DOCK6: variants seen among roughly 807,000 people sequenced by gnomAD.
DOCK6 encodes dedicator of cytokinesis 6.
Under a neutral mutation model 230.3 loss-of-function variants are expected in DOCK6, and 167 were observed. That is an observed-to-expected ratio of 0.73 (90% CI 0.64 to 0.82). DOCK6 has a LOEUF of 0.82. Among genes scored for constraint, DOCK6 ranks in the 40% least tolerant of loss-of-function variants. The probability of loss-of-function intolerance (pLI) is 0.00; values close to 1 mark genes in which losing one functional copy is unlikely to be tolerated. For missense variants in DOCK6, 2,598 were observed against 2,825.8 expected (o/e 0.92, Z 1.83); for synonymous variants, 1,148 against 1,185.0 (o/e 0.97, Z 0.64).
chr19:11,227,262 G>A, intron 24 of DOCK6, 75 bp downstream of exon 24: 1 of 1,575,062 alleles, frequency 6.3e-7, no homozygotes, highest in South Asian at 1.2e-5. Context: ...CACTGGGCAG[G>A]ATTGGCGCCC....
chr19:11,252,765 G>T lies in DOCK6; in HGVS notation c.308+18C>A. 6.2e-7 allele frequency: 1 copy of T among 1,601,930 alleles called. No individual in the cohort carries two copies. The highest frequency in any genetic ancestry group is 1.1e-5 in the South Asian group (1 of 90,322). ...CAGAGTGGAATCACAGGCAGAGAGG[G>T]CGTGGGGCTGAACCCACTCATCCTT... On this transcript the variant is annotated intron_variant, in intron 3 of 47. Coordinates refer to ENST00000294618, the MANE Select transcript of DOCK6 (RefSeq NM_020812.4).
At chr19:11,249,009 G>A (rs2080077122) in intron 6 of DOCK6, among the ~76,000 whole-genome samples, 1 of 152,084 alleles carries the variant, frequency 6.6e-6, no homozygotes, top group South Asian at 2.1e-4. Context: ...TATATAGTAA[G>A]CACTCAATAA....
Position 11,243,431 on chromosome 19 carries a change from A to G in DOCK6, c.1259-46T>C, listed in dbSNP as rs2079980474. The G allele has an allele frequency of 2.5e-6, 4 of 1,580,876 alleles. No homozygotes were observed. The highest frequency in any genetic ancestry group is 3.4e-6 in the Non-Finnish European group (4 of 1,165,160). On this transcript the variant is annotated intron_variant, in intron 11 of 47. Coordinates refer to ENST00000294618, the MANE Select transcript of DOCK6 (RefSeq NM_020812.4). This position sits in a 1 kb window ranked among gnomAD's most constrained non-coding sequence, Gnocchi z 6.3. ...GACAAAAGGGGGACCAAGATGAAAC[A>G]GGGAGACTCAGGGGCGGCACAGTTC...
chr19:11,208,664 C>T, intron 39 of DOCK6, 22 bp downstream of exon 39: 1 of 1,602,140 alleles, frequency 6.2e-7, no homozygotes, highest in Non-Finnish European at 8.5e-7. Context: ...CCCTCTCCTG[C>T]ACCCAGTCCC....
At chr19:11,223,820 T>C (rs58812891) in intron 24 of DOCK6, among the ~76,000 whole-genome samples, 1 of 152,042 alleles carries the variant, frequency 6.6e-6, no homozygotes, top group Non-Finnish European at 1.5e-5. Context: ...CTAATTTTTT[T>C]ATTTTTAGTA....
In DOCK6 at chr19:11,262,401, TG is replaced by T; in HGVS notation, c.39del (p.Asn14ThrfsTer34). ...GGGGCCCCGCGGCCACACTACCTGT[TG>T]ATCTTGTGCGCGAAGGCGCGGCGCT... ...ASERRAFAHK[I>X]NRTVAAEVRK... On this transcript the variant is annotated frameshift_variant, in exon 1 of 48. Transcript: ENST00000294618. LOFTEE classifies it high-confidence loss of function. 7.8e-7 allele frequency: 1 copy of T among 1,282,732 alleles called. No homozygotes were observed. The highest frequency in any genetic ancestry group is 9.9e-7 in the Non-Finnish European group (1 of 1,013,562). The allele number at this position is 1,282,732 out of a possible 1,614,324, so 79.5% of individuals were successfully genotyped here. A position where few individuals can be genotyped will look rare whatever the true frequency, so the allele number is the denominator to read the frequency against.
In DOCK6 at chr19:11,221,877, G is replaced by T. The variant is rs1311815830; in HGVS notation, c.3524C>A (p.Thr1175Asn). 1.2e-6 allele frequency: 2 copies of T among 1,613,784 alleles called. No homozygotes were observed. Among genetic ancestry groups the T allele is most frequent in the South Asian group, 2.2e-5 (2 of 91,088 alleles). ...YLPLLSIARD[T>N]LPRLHDFAEG... is the part of the protein sequence containing the mutation. Reference sequence around the variant, plus strand: ...AGCAAAGTCATGCAGCCGTGGCAAGGTATCCCGTGCAATCGATAGCAGTGG... The same window carrying T: ...AGCAAAGTCATGCAGCCGTGGCAAGTTATCCCGTGCAATCGATAGCAGTGG... Residue 1175 changes from threonine to asparagine, a missense_variant, in exon 28 of 48, where the codon ACC becomes AAC. Thr to Asn is a moderately conservative substitution (Grantham distance 65, BLOSUM62 0). Coordinates refer to ENST00000294618, the MANE Select transcript of DOCK6 (RefSeq NM_020812.4).
chr19:11,260,946 C>A (rs1405553901), intron 1 of DOCK6, among the ~76,000 whole-genome samples: 1 of 148,448 alleles, frequency 6.7e-6, no homozygotes, highest in African/African-American at 2.5e-5. Context: ...AAACAGACAG[C>A]AATAATGTTT....
chr19:11,260,882 C>CAAA (rs59900669), intron 1 of DOCK6, among the ~76,000 whole-genome samples: 8 of 61,770 alleles, frequency 1.3e-4, no homozygotes, highest in South Asian at 1.7e-3. Flanking sequence ...GACTCTGTCT[C>CAAA]AAAAAAAAAA....
In DOCK6 at chr19:11,211,982, G is replaced by A; in HGVS notation, c.4650+11C>T. The A allele has an allele frequency of 6.3e-7, 1 of 1,594,348 alleles. No homozygotes were observed. Among genetic ancestry groups the A allele is most frequent in the Non-Finnish European group, 8.6e-7 (1 of 1,168,182 alleles). On this transcript the variant is annotated intron_variant, in intron 36 of 47. Coordinates refer to ENST00000294618, the MANE Select transcript of DOCK6 (RefSeq NM_020812.4). Reference sequence around the variant, plus strand: ...GAAGGGGAGGCGGGGCGGGGACCCAGCAGGTGTCACCTGCTCTGCGAAGGT... The same window carrying A: ...GAAGGGGAGGCGGGGCGGGGACCCAACAGGTGTCACCTGCTCTGCGAAGGT...
chr19:11,208,925 A>G lies in DOCK6; in HGVS notation c.4930T>C (p.Cys1644Arg). ...LEDHRHLPVG[C>R]VSFQNISSNV... ...TGGCCACTCACCTGGAAGGAAACGC[A>G]GCCCACGGGCAGGTGGCGGTGGTCC... Residue 1644 changes from cysteine to arginine, a missense_variant, in exon 38 of 48, where the codon TGC (cysteine) becomes CGC (arginine). Transcript: ENST00000294618. The G allele has an allele frequency of 6.3e-7, 1 of 1,596,940 alleles. No individual in the cohort carries two copies. The highest frequency in any genetic ancestry group is 8.6e-7 in the Non-Finnish European group (1 of 1,166,520).
At chr19:11,239,469 G>A (rs1190806383) in intron 14 of DOCK6, 1 of 835,336 alleles carries the variant, frequency 1.2e-6, no homozygotes, top group African/African-American at 1.8e-5. Flanking sequence ...CGTGATCCCG[G>A]CGTGGCCTAG....
Position 11,236,696 on chromosome 19 carries a change from A to G in DOCK6, c.2160+97T>C. 1 of 1,512,772 alleles carries G rather than the reference A, an allele frequency of 6.6e-7. No homozygotes were observed. The highest frequency in any genetic ancestry group is 9.0e-7 in the Non-Finnish European group (1 of 1,113,780). 93.7% of individuals were successfully genotyped at this position (1,512,772 alleles called of 1,614,324 possible). A position where few individuals can be genotyped will look rare whatever the true frequency, so the allele number is the denominator to read the frequency against. On this transcript the variant is annotated intron_variant, in intron 19 of 47. Coordinates refer to ENST00000294618, the MANE Select transcript of DOCK6 (RefSeq NM_020812.4). This position sits in a 1 kb window ranked among gnomAD's most constrained non-coding sequence, Gnocchi z 5.2. ...TGACCAAAGTCACGTCCAAGGCCTGAGGCCAGACCTCCCCGGCCATCGGCA... is the reference window on the plus strand; with the variant it reads ...TGACCAAAGTCACGTCCAAGGCCTGGGGCCAGACCTCCCCGGCCATCGGCA...
At chr19:11,239,914 G>C in intron 14 of DOCK6, 2 of 1,587,544 alleles carry the variant, frequency 1.3e-6, no homozygotes, top group Non-Finnish European at 1.7e-6. Flanking sequence ...GGAACTTCGG[G>C]CAAGCCTGTT....
At chr19:11,261,433 C>T (rs937823804) in intron 1 of DOCK6, among the ~76,000 whole-genome samples, 8 of 151,772 alleles carry the variant, frequency 5.3e-5, no homozygotes, top group African/African-American at 1.9e-4. Flanking sequence ...GGTCTCTCTC[C>T]GCCACTATAT....
At position 11,213,319 on chromosome 19, in the gene DOCK6, G is replaced by T; in HGVS notation, c.4348C>A (p.Leu1450Met). The T allele has an allele frequency of 6.2e-7, 1 of 1,611,298 alleles. No individual in the cohort carries two copies. Among genetic ancestry groups the T allele is most frequent in the Non-Finnish European group, 8.5e-7 (1 of 1,179,590 alleles). ...AGCTCCGTGTCCTCCTCGAACAGCA[G>T]CTCCGGGAACTGCCCCCAAGGACCC... is the stretch of plus-strand genomic sequence containing the variant. ...QRALVSKFPELLFEEDTELCA... is the reference protein window; with the variant it reads ...QRALVSKFPEMLFEEDTELCA... The change falls in exon 35 of 48, where the codon CTG (leucine) becomes ATG (methionine). Residue 1450 changes from leucine to methionine, a missense_variant. Leu to Met is a conservative substitution (Grantham distance 15). Coordinates refer to ENST00000294618, the MANE Select transcript of DOCK6 (RefSeq NM_020812.4).
intron 21 of DOCK6, among the ~76,000 whole-genome samples, chr19:11,233,927 C>T (rs572139606): frequency 6.6e-4 from 100 of 152,060 alleles, no homozygotes; most frequent in African/African-American, 2.3e-3. Context: ...CTCTGCCTCC[C>T]GGGTTTAAGC....
In DOCK6 at chr19:11,238,071, G is replaced by A. The variant is rs1439529103; in HGVS notation, c.1806C>T (p.Ala602=). The change falls in exon 16 of 48, where the codon GCC becomes GCT. Residue 602 remains alanine (A), a synonymous_variant. Coordinates refer to ENST00000294618, the MANE Select transcript of DOCK6 (RefSeq NM_020812.4). ...TGTTATGGTAGACCACCGGTGTGAA[G>A]GCCTCGCGGGTAAATTCACTGCAGC... ...KSSCSEFTRE[A]FTPVVYHNKS... is the part of the protein sequence containing the mutation. The A allele has an allele frequency of 5.0e-6, 8 of 1,613,816 alleles. No homozygotes were observed. The highest frequency in any genetic ancestry group is 1.3e-5 in the African/African-American group (1 of 74,918).
At position 11,258,348 on chromosome 19, in the gene DOCK6, G is replaced by A. The variant is rs373112297; in HGVS notation, c.44+4049C>T. Among the ~76,000 whole-genome samples the A allele has an allele frequency of 1.7e-4, 26 of 152,292 alleles. No homozygotes were observed. In the South Asian group the frequency reaches 2.9e-3, roughly 17 times the overall value. ...AGGAAGGTGGAGATAGTCCCCATGG[G>A]AAATTGACCAAGTGGCCATTTCCTC... On this transcript the variant is annotated intron_variant, in intron 1 of 47. Transcript: ENST00000294618.
Sources: allele counts gnomAD v4.1 joint callset (sites outside exome capture counted in the v4.1 genomes callset), GRCh38; gene constraint gnomAD v4.1.1; non-coding constraint Gnocchi (gnomAD v3.1); transcripts MANE v1.5; gene names NCBI Gene and HGNC (gene_info 2026-07-23, HGNC 2026-07-21).